SFMBT1: variants seen among roughly 807,000 people sequenced by gnomAD.
The protein encoded by SFMBT1 is Scm like with four mbt domains 1, also known as scm-like with four MBT domains protein 1.
A neutral mutation model predicts 108.7 loss-of-function variants in SFMBT1; 32 were observed. The observed-to-expected ratio is 0.29, with a 90% CI of 0.22 to 0.40. The LOEUF is 0.40. Ranked by LOEUF, SFMBT1 falls within the 10% of genes least tolerant of loss-of-function variation. SFMBT1 has a pLI of 1.00. For missense variants in SFMBT1, 816 were observed against 1,059.6 expected, an observed-to-expected ratio of 0.77 and a Z score of 3.19; for synonymous variants, 348 against 369.5, an observed-to-expected ratio of 0.94 and a Z score of 0.67.
chr3:52,954,466 G>A, intron 2 of SFMBT1, 55 bp from the exon 3 acceptor site: 2 of 1,343,072 alleles, frequency 1.5e-6, no homozygotes, highest in Non-Finnish European at 2.1e-6. Context: ...AAAACTCAAG[G>A]TATAAAAATA....
At chr3:53,033,362 T>C (rs1403245569) in intron 1 of SFMBT1, among the ~76,000 whole-genome samples, 1 of 152,050 alleles carries the variant, frequency 6.6e-6, no homozygotes, top group East Asian at 1.9e-4. Context: ...GGTTTCACCA[T>C]GTTGGCCAGG....
intron 1 of SFMBT1, among the ~76,000 whole-genome samples, chr3:53,041,095 T>C (rs1700037917): frequency 6.7e-6 from 1 of 148,792 alleles, no homozygotes; most frequent in Non-Finnish European, 1.5e-5. Flanking sequence ...AATGCTGGGA[T>C]TACAGGTGTA....
Position 52,932,084 on chromosome 3 carries a change from T to C in SFMBT1, c.678A>G (p.Gly226=), listed in dbSNP as rs1374239207. 4 of 1,614,034 alleles carry C rather than the reference T, an allele frequency of 2.5e-6. No individual in the cohort carries two copies. The highest frequency in any genetic ancestry group is 1.7e-5 in the Admixed American group (1 of 60,020). The change falls in exon 6 of 21, where the codon GGA becomes GGG. Residue 226 remains glycine (G), a synonymous_variant. Coordinates refer to ENST00000394752, the MANE Select transcript of SFMBT1 (RefSeq NM_016329.4). ...CACCTGAAGGGGGCTGAAGCTCATA[T>C]CCCTGTTGAGCAGCCCAACCAACGT... ...LHHVGWAAQQ[G]YELQPPSAIR...
chr3:53,045,538 C>T (rs1311880526), intron 1 of SFMBT1, among the ~76,000 whole-genome samples: 1 of 142,930 alleles, frequency 7.0e-6, no homozygotes, highest in African/African-American at 2.5e-5. Context: ...CGCGGCGAGG[C>T]GCCCAGGCGC....
intron 5 of SFMBT1, among the ~76,000 whole-genome samples, chr3:52,933,777 TA>T (rs1484193912): frequency 1.3e-5 from 2 of 152,100 alleles, no homozygotes; most frequent in East Asian, 3.8e-4. Context: ...AATGTAACCA[TA>T]AAACTCTTAG....
intron 1 of SFMBT1, among the ~76,000 whole-genome samples, chr3:53,015,189 A>G (rs1242668609): frequency 6.6e-6 from 1 of 151,856 alleles, no homozygotes; most frequent in East Asian, 1.9e-4. Context: ...AGCCTGGGTG[A>G]CAGGTGAGAG....
intron 1 of SFMBT1, among the ~76,000 whole-genome samples, chr3:53,005,335 G>A (rs1698702048): frequency 6.6e-6 from 1 of 152,118 alleles, no homozygotes; most frequent in Admixed American, 6.5e-5. Context: ...TAAGAGACAG[G>A]ATCTCACTCT....
intron 18 of SFMBT1, 26 bp from the exon 19 acceptor site, chr3:52,907,340 T>C (rs750093432): frequency 8.2e-6 from 13 of 1,589,594 alleles, no homozygotes; most frequent in Middle Eastern, 1.7e-4. Flanking sequence ...AGAAGTCTCA[T>C]TGAAATTCAG....
At chr3:52,980,417 G>C (rs1193260235) in intron 1 of SFMBT1, among the ~76,000 whole-genome samples, 1 of 152,084 alleles carries the variant, frequency 6.6e-6, no homozygotes, top group African/African-American at 2.4e-5. Flanking sequence ...ACAATAAAAA[G>C]TGATCTCCCA....
Position 52,916,695 on chromosome 3 carries a change from AC to A in SFMBT1, c.1416-482del, listed in dbSNP as rs1429437927. On this transcript the variant is annotated intron_variant, in intron 13 of 20. Coordinates refer to ENST00000394752, the MANE Select transcript of SFMBT1 (RefSeq NM_016329.4). ...AAAAAACCAAACAACAACAACAACAACAACAACAACAAAAAACTACAACAAC... is the reference window on the plus strand; with the variant it reads ...AAAAAACCAAACAACAACAACAACAAAACAACAACAAAAAACTACAACAAC... Among the ~76,000 whole-genome samples the A allele has an allele frequency of 5.9e-5, 9 of 151,470 alleles. No homozygotes were observed. In the East Asian group the frequency reaches 1.2e-3, roughly 20 times the overall value.
intron 2 of SFMBT1, 139 bp from the exon 3 acceptor site, chr3:52,954,550 GTTTT>G: frequency 1.5e-6 from 1 of 667,206 alleles, no homozygotes; most frequent in Non-Finnish European, 2.5e-6. Context: ...GTGGGGTTTT[GTTTT>G]GTTTTGTTTT....
intron 17 of SFMBT1, among the ~76,000 whole-genome samples, 196 bp from the exon 18 acceptor site, chr3:52,907,929 T>C (rs112307083): frequency 2.0e-5 from 3 of 152,264 alleles, no homozygotes; most frequent in Non-Finnish European, 2.9e-5. Flanking sequence ...TCAAAGTATA[T>C]AGAACATCTT....
At chr3:52,981,004 AAT>A (rs1317864572) in intron 1 of SFMBT1, among the ~76,000 whole-genome samples, 1 of 152,140 alleles carries the variant, frequency 6.6e-6, no homozygotes, top group Non-Finnish European at 1.5e-5. Flanking sequence ...CTCTACTAAA[AAT>A]ACAAAATTAG....
intron 1 of SFMBT1, among the ~76,000 whole-genome samples, chr3:53,036,992 C>T (rs1358996203): frequency 3.9e-5 from 6 of 152,160 alleles, no homozygotes; most frequent in South Asian, 4.1e-4. Context: ...AGATAAAAGA[C>T]GAGGCATAGG....
chr3:52,963,767 T>C (rs1373252465), intron 2 of SFMBT1, among the ~76,000 whole-genome samples: 25 of 152,172 alleles, frequency 1.6e-4, no homozygotes, highest in Admixed American at 1.6e-3. Flanking sequence ...CATATTAAAA[T>C]ACAATACTCT....
At chr3:52,974,299 T>C (rs1305076572) in intron 1 of SFMBT1, among the ~76,000 whole-genome samples, 1 of 152,228 alleles carries the variant, frequency 6.6e-6, no homozygotes, top group Non-Finnish European at 1.5e-5. Flanking sequence ...AATATACTAA[T>C]TGCAACAATT....
chr3:52,975,613 G>T (rs1000673640), intron 1 of SFMBT1, among the ~76,000 whole-genome samples: 3 of 152,082 alleles, frequency 2.0e-5, no homozygotes, highest in African/African-American at 7.2e-5. Context: ...TTTTTTGTTT[G>T]TTTGTTTTGA....
chr3:52,906,487 T>C (rs967575961), intron 19 of SFMBT1, among the ~76,000 whole-genome samples: 4 of 152,114 alleles, frequency 2.6e-5, no homozygotes, highest in Non-Finnish European at 4.4e-5. Context: ...ATTTAGACAA[T>C]TTAACTAAGA....
intron 1 of SFMBT1, among the ~76,000 whole-genome samples, chr3:53,027,902 T>C (rs1699551484): frequency 1.3e-5 from 2 of 152,236 alleles, no homozygotes; most frequent in South Asian, 2.1e-4. Flanking sequence ...ACCTTGGTGA[T>C]GACCTTGAGC....
Sources: gnomAD v4.1 joint callset for allele counts (sites outside exome capture counted in the v4.1 genomes callset) on GRCh38, gnomAD v4.1.1 for gene constraint, MANE v1.5 for transcripts, NCBI Gene and HGNC (gene_info 2026-07-23, HGNC 2026-07-21) for gene names.